UTP25: variants seen among roughly 807,000 people sequenced by gnomAD.
The protein encoded by UTP25 is UTP25 small subunit processome component.
A neutral mutation model predicts 78.9 loss-of-function variants in UTP25; 50 were observed. That is an observed-to-expected ratio of 0.63 (90% CI 0.50 to 0.80). The LOEUF (loss-of-function observed/expected upper bound fraction) is 0.80. UTP25 is among the 30% of genes least tolerant of loss of function. The pLI is 0.00. For missense variants in UTP25, 846 were observed against 911.3 expected, an observed-to-expected ratio of 0.93 and a Z score of 0.92; for synonymous variants, 329 against 336.5, an observed-to-expected ratio of 0.98 and a Z score of 0.24.
rs1338706922 is a variant in UTP25 at position 209,842,812 on chromosome 1, A to G, written c.1781+117A>G. 6 of 700,400 alleles carry G rather than the reference A, an allele frequency of 8.6e-6. No homozygotes were observed. In the Admixed American group the frequency reaches 1.0e-4, roughly 12 times the overall value. 43.4% of individuals were successfully genotyped at this position (700,400 alleles called of 1,614,324 possible). On this transcript the variant is annotated intron_variant, in intron 10 of 11. Transcript: ENST00000491415. ...ATTGATAACTACCAAATCAGTTGAG[A>G]TAATTGAACTTAATTATGTCATTTG...
intron 3 of UTP25, 49 bp downstream of exon 3, chr1:209,831,092 G>A: frequency 6.3e-7 from 1 of 1,593,698 alleles, no homozygotes; most frequent in East Asian, 2.2e-5. Context: ...ACTATAGACA[G>A]TTCATCTCAT....
chr1:209,834,829 C>A (rs978789421), intron 4 of UTP25, among the ~76,000 whole-genome samples: 2 of 152,146 alleles, frequency 1.3e-5, no homozygotes, highest in African/African-American at 4.8e-5. Context: ...CTAAAGTGCT[C>A]TGAATTCCAG....
chr1:209,851,637 T>TCAGAA lies in UTP25; in HGVS notation c.*190_*191insCAGAA, dbSNP rs2078239525. On this transcript the variant is annotated 3_prime_UTR_variant, in exon 12 of 12. Transcript: ENST00000491415. ...GAAAAGTTAAATGTAAACCAGATTTTGGTAAATCCCATCTTTCAGAAGTGA... is the reference window on the plus strand; with the variant it reads ...GAAAAGTTAAATGTAAACCAGATTTTCAGAAGGTAAATCCCATCTTTCAGAAGTGA... The TCAGAA allele has an allele frequency of 3.0e-6, 2 of 666,428 alleles. No individual in the cohort carries two copies. Among genetic ancestry groups the TCAGAA allele is most frequent in the African/African-American group, 3.7e-5 (2 of 54,442 alleles). The allele number at this position is 666,428 out of a possible 1,614,324, so 41.3% of individuals were successfully genotyped here.
At chr1:209,830,492 C>T (rs1432511355) in intron 2 of UTP25, among the ~76,000 whole-genome samples, 1 of 119,142 alleles carries the variant, frequency 8.4e-6, no homozygotes, top group Non-Finnish European at 1.8e-5. Flanking sequence ...TATCATATTA[C>T]AACAAACTAA....
In UTP25 at chr1:209,842,581, A is replaced by G. The variant is rs200649023; in HGVS notation, c.1669-2A>G. On this transcript the variant is annotated splice_acceptor_variant, in intron 9 of 11. Coordinates refer to ENST00000491415, the MANE Select transcript of UTP25 (RefSeq NM_014388.7). LOFTEE classifies it high-confidence loss of function. ...CCTAACGCTCTTGTTGACTACTGGC[A>G]GGTGGCCGTGAGGAATGTCCCAATG... is the stretch of plus-strand genomic sequence containing the variant. The G allele has an allele frequency of 6.2e-7, 1 of 1,613,832 alleles. No homozygotes were observed. Among genetic ancestry groups the G allele is most frequent in the Non-Finnish European group, 8.5e-7 (1 of 1,179,844 alleles).
rs539193814 is a variant in UTP25, at chr1:209,832,620, C to T, written c.389-565C>T. On this transcript the variant is annotated intron_variant, in intron 3 of 11. Coordinates refer to ENST00000491415, the MANE Select transcript of UTP25 (RefSeq NM_014388.7). ...GTATATGAGAAAGAGATCTGGCTCA[C>T]GCCTGTAATCCCAACACTTTGGGAG... Among the ~76,000 whole-genome samples the T allele has an allele frequency of 2.6e-5, 4 of 152,316 alleles. No homozygotes were observed. The South Asian group carries it at 6.2e-4, about 24-fold the overall frequency.
At chr1:209,831,119 A>C in intron 3 of UTP25, 76 bp downstream of exon 3, 1 of 1,476,678 alleles carries the variant, frequency 6.8e-7, no homozygotes, top group Non-Finnish European at 9.3e-7. Context: ...GGTACCTTAT[A>C]TACTGTGTGA....
intron 5 of UTP25, among the ~76,000 whole-genome samples, chr1:209,835,852 T>C (rs1304069343): frequency 1.3e-5 from 2 of 152,244 alleles, no homozygotes; most frequent in Non-Finnish European, 2.9e-5. Context: ...CTGACATTGA[T>C]ATAATCTACC....
At chr1:209,840,788 G>C (rs2078162546) in intron 7 of UTP25, 65 bp from the exon 8 acceptor site, 1 of 1,515,692 alleles carries the variant, frequency 6.6e-7, no homozygotes, top group Non-Finnish European at 9.1e-7. Flanking sequence ...ACTGCTTTGA[G>C]AGGGTGGAAG....
Position 209,847,037 on chromosome 1 carries a change from GTGT to G in UTP25, c.2027+3343_2027+3345del, listed in dbSNP as rs978158762. ...CACATGCACACGTGCACACACACAC[GTGT>G]TTTTTTAAAAAACAATACTAAAATT... On this transcript the variant is annotated intron_variant, in intron 11 of 11. Coordinates refer to ENST00000491415, the MANE Select transcript of UTP25 (RefSeq NM_014388.7). Among the ~76,000 whole-genome samples, 14 of 147,948 alleles carry G rather than the reference GTGT, an allele frequency of 9.5e-5. No individual in the cohort carries two copies. The East Asian group carries it at 1.2e-3, about 12-fold the overall frequency.
rs571136537 is a variant in UTP25 at position 209,845,583 on chromosome 1, C to T, written c.2027+1887C>T. 6.6e-5 allele frequency among the ~76,000 whole-genome samples: 10 copies of T among 152,298 alleles called. No individual in the cohort carries two copies. In the South Asian group the frequency reaches 1.9e-3, roughly 28 times the overall value. On this transcript the variant is annotated intron_variant, in intron 11 of 11. Coordinates refer to ENST00000491415, the MANE Select transcript of UTP25 (RefSeq NM_014388.7). Reference sequence around the variant, plus strand: ...TGTATTACACTGTCTATTTACCAAGCCATGTTGCCCTCAAAGTCACGATAA... The same window carrying T: ...TGTATTACACTGTCTATTTACCAAGTCATGTTGCCCTCAAAGTCACGATAA...
In UTP25 at chr1:209,841,012, A is replaced by G; in HGVS notation, c.1442A>G (p.Asp481Gly). The G allele has an allele frequency of 6.2e-7, 1 of 1,614,058 alleles. No homozygotes were observed. The highest frequency in any genetic ancestry group is 8.5e-7 in the Non-Finnish European group (1 of 1,179,948). ...FLSSIELLII[D>G]QADIYLMQNW... ...TCTTCTATCGAGCTTCTCATCATTG[A>G]TCAAGCTGACATTTACCTGATGCAG... Residue 481 changes from aspartate (D) to glycine (G), a missense_variant, in exon 8 of 12, where the codon GAT becomes GGT. By Grantham distance (94) the Asp-to-Gly change is moderately conservative. Transcript: ENST00000491415.
chr1:209,847,966 AG>A (rs2078208148), intron 11 of UTP25, among the ~76,000 whole-genome samples: 1 of 152,212 alleles, frequency 6.6e-6, no homozygotes, highest in African/African-American at 2.4e-5. Context: ...ATCTTTTTGA[AG>A]AGTCCAATCT....
chr1:209,843,411 G>T, intron 10 of UTP25, 40 bp from the exon 11 acceptor site: 1 of 1,608,350 alleles, frequency 6.2e-7, no homozygotes. Flanking sequence ...CATAAGCTTA[G>T]CTCTAGACAT....
chr1:209,831,854 A>G (rs1050382965), intron 3 of UTP25, among the ~76,000 whole-genome samples: 2 of 152,012 alleles, frequency 1.3e-5, no homozygotes, highest in African/African-American at 4.8e-5. Flanking sequence ...TTTGCTTCTC[A>G]TGTTTTTCTA....
In UTP25 at chr1:209,830,092, G is replaced by C; in HGVS notation, c.108-16G>C. ...ATACTAGTAGTTAGAATGTAACATT[G>C]CCTGTTTCTTTTTAGGGTTTCCAGA... On this transcript the variant is annotated splice_polypyrimidine_tract_variant and intron_variant, in intron 1 of 11. Transcript: ENST00000491415. The C allele has an allele frequency of 6.2e-7, 1 of 1,610,598 alleles. No homozygotes were observed. The highest frequency in any genetic ancestry group is 8.5e-7 in the Non-Finnish European group (1 of 1,177,928).
intron 6 of UTP25, 147 bp from the exon 7 acceptor site, chr1:209,838,762 T>C: frequency 2.3e-6 from 2 of 874,046 alleles, no homozygotes; most frequent in East Asian, 2.4e-5. Flanking sequence ...AGCCAAGCCC[T>C]GCGCAAAGCG....
chr1:209,843,652 G>A lies in UTP25; in HGVS notation c.1983G>A (p.Glu661=). The part of the protein sequence containing the change: ...SRARHFFLQG[E]KQFLLFTERF... ...CCAGACACTTCTTCCTTCAAGGAGA[G>A]AAACAGTTTCTACTTTTCACAGAGC... Residue 661 remains glutamate (E), a synonymous_variant, in exon 11 of 12, where the codon GAG becomes GAA. Transcript: ENST00000491415. 1 of 1,614,120 alleles carries A rather than the reference G, an allele frequency of 6.2e-7. No homozygotes were observed. The highest frequency in any genetic ancestry group is 8.5e-7 in the Non-Finnish European group (1 of 1,179,988).
chr1:209,854,612 A>T lies in UTP25; in HGVS notation c.*3165A>T, dbSNP rs187555438. On this transcript the variant is annotated 3_prime_UTR_variant, in exon 12 of 12. Coordinates refer to ENST00000491415, the MANE Select transcript of UTP25 (RefSeq NM_014388.7). The stretch of plus-strand genomic sequence containing the variant: ...GCTATGCTGCTGAAGGAGGAAAGGG[A>T]AAGGCAGGTGGGGCCAGACCCTATT... The T allele has an allele frequency of 7.9e-5, 12 of 152,432 alleles. No individual in the cohort carries two copies. The allele number at this position is 152,432 out of a possible 1,614,324, so 9.4% of individuals were successfully genotyped here. A position where few individuals can be genotyped will look rare whatever the true frequency, so the allele number is the denominator to read the frequency against.
Sources: gnomAD v4.1 joint callset for allele counts (sites outside exome capture counted in the v4.1 genomes callset) on GRCh38, gnomAD v4.1.1 for gene constraint, MANE v1.5 for transcripts, NCBI Gene and HGNC (gene_info 2026-07-23, HGNC 2026-07-21) for gene names.